The following SLC25A48 variants were observed in gnomAD, a reference collection of about 807,000 sequenced individuals.
The protein encoded by SLC25A48 is solute carrier family 25 member 48, also known as CTC-321K16.1.
Under a neutral mutation model 32.2 loss-of-function variants are expected in SLC25A48, and 29 were observed. That is an observed-to-expected ratio of 0.90 (90% CI 0.67 to 1.23). The LOEUF (loss-of-function observed/expected upper bound fraction) is 1.23, where lower values mean the gene tolerates loss of function less well. Among genes scored for constraint, SLC25A48 ranks in the 50% most tolerant of loss-of-function variants. The probability of loss-of-function intolerance (pLI) is 0.00; values close to 1 mark genes in which losing one functional copy is unlikely to be tolerated. For missense variants in SLC25A48, 399 were observed against 422.7 expected (o/e 0.94, Z 0.49); for synonymous variants, 164 against 172.3 (o/e 0.95, Z 0.38).
intron 3 of SLC25A48, among the ~76,000 whole-genome samples, chr5:135,736,128 G>A (rs944508965): frequency 6.6e-6 from 1 of 152,060 alleles, no homozygotes; most frequent in Non-Finnish European, 1.5e-5. Flanking sequence ...AAGACTCAGC[G>A]ACACTTGGGG....
intron 3 of SLC25A48, among the ~76,000 whole-genome samples, chr5:135,736,336 G>C (rs1755359958): frequency 6.6e-6 from 1 of 152,194 alleles, no homozygotes; most frequent in Admixed American, 6.5e-5. Context: ...TGGCCATTTA[G>C]AGCCATTGTC....
At chr5:135,790,994 G>A (rs200609676) in intron 3 of SLC25A48, among the ~76,000 whole-genome samples, 5 of 22,738 alleles carry the variant, frequency 2.2e-4, no homozygotes, top group Non-Finnish European at 3.1e-4. Flanking sequence ...GTATAATTAC[G>A]GGGGGGGTGT....
chr5:135,842,278 C>T, intron 1 of SLC25A48, 138 bp from the exon 2 acceptor site: 2 of 821,888 alleles, frequency 2.4e-6, no homozygotes, highest in East Asian at 2.4e-5. Flanking sequence ...CAGTGCCTAG[C>T]ACATTGGAGC....
intron 3 of SLC25A48, among the ~76,000 whole-genome samples, chr5:135,733,123 G>A (rs142041101): frequency 0.01 from 1,534 of 152,286 alleles, 34 homozygotes; most frequent in African/African-American, 0.035. Context: ...CTTTTGCAAG[G>A]GCGAGGGCTC....
chr5:135,716,651 T>G (rs2126979066), intron 3 of SLC25A48, among the ~76,000 whole-genome samples: 1 of 152,312 alleles, frequency 6.6e-6, no homozygotes, highest in South Asian at 2.1e-4. Flanking sequence ...AAGAAAGGAC[T>G]CTTGTCCAAC....
intron 3 of SLC25A48, among the ~76,000 whole-genome samples, chr5:135,794,900 C>T (rs1386739385): frequency 6.6e-6 from 1 of 151,718 alleles, no homozygotes; most frequent in East Asian, 1.9e-4. Context: ...TATTGTTTCT[C>T]ATATCCTGTG....
chr5:135,579,485 C>T (rs1436813304), exon 1 of SLC25A48: 1 of 152,438 alleles, frequency 6.6e-6, no homozygotes, highest in Non-Finnish European at 1.5e-5. Context: ...CAGGCCTGAC[C>T]CCCAAGGGCC....
At chr5:135,761,852 T>C (rs561584710) in intron 3 of SLC25A48, among the ~76,000 whole-genome samples, 1 of 152,310 alleles carries the variant, frequency 6.6e-6, no homozygotes, top group South Asian at 2.1e-4. Flanking sequence ...CCACTTGGCC[T>C]CCCACACTTT....
At chr5:135,734,012 G>A (rs182805564) in intron 3 of SLC25A48, among the ~76,000 whole-genome samples, 155 of 152,064 alleles carry the variant, frequency 1.0e-3, no homozygotes, top group African/African-American at 3.5e-3. Context: ...AGGTAAAATG[G>A]GGGAATTGTA....
chr5:135,794,313 G>A (rs1302364560), intron 3 of SLC25A48, among the ~76,000 whole-genome samples: 1 of 151,350 alleles, frequency 6.6e-6, no homozygotes, highest in Non-Finnish European at 1.5e-5. Flanking sequence ...ATATCCAGGG[G>A]GTGAGAGGAT....
rs556076487 is a variant in SLC25A48, at chr5:135,886,218, G to T, written c.*8-1814G>T. On this transcript the variant is annotated intron_variant, in intron 7 of 7. Coordinates refer to ENST00000681962, the MANE Select transcript of SLC25A48 (RefSeq NM_001349336.2). ...ATTGCAGAGCTAGGGCTCCCTGCTG[G>T]ATACTTGTTTTCCAGGCTGCGGGCT... Among the ~76,000 whole-genome samples the T allele has an allele frequency of 4.2e-3, 641 of 152,148 alleles. 4 individuals are homozygous for T. Among genetic ancestry groups the T allele is most frequent in the African/African-American group, 0.015 (618 of 41,522 alleles).
chr5:135,755,900 G>A (rs1196957791), intron 3 of SLC25A48, among the ~76,000 whole-genome samples: 1 of 151,868 alleles, frequency 6.6e-6, no homozygotes, highest in Non-Finnish European at 1.5e-5. Flanking sequence ...AACGCACTAT[G>A]ATAGTAATAA....
chr5:135,799,727 A>C (rs1463615925), intron 3 of SLC25A48, among the ~76,000 whole-genome samples: 2 of 151,790 alleles, frequency 1.3e-5, no homozygotes, highest in Admixed American at 6.6e-5. Context: ...TATCCGCTGC[A>C]GAGAGAGGAT....
At chr5:135,708,801 T>TGA (rs1318589993) in intron 3 of SLC25A48, among the ~76,000 whole-genome samples, 1 of 152,170 alleles carries the variant, frequency 6.6e-6, no homozygotes, top group African/African-American at 2.4e-5. Flanking sequence ...AGAACACATT[T>TGA]GAGAGAGAGC....
At chr5:135,708,326 C>G (rs1407955035) in intron 3 of SLC25A48, among the ~76,000 whole-genome samples, 1 of 152,208 alleles carries the variant, frequency 6.6e-6, no homozygotes, top group Non-Finnish European at 1.5e-5. Context: ...CAAAGCAAAT[C>G]TATGAGCACC....
At chr5:135,602,112 C>G (rs1198673973) in intron 1 of SLC25A48, among the ~76,000 whole-genome samples, 1 of 152,144 alleles carries the variant, frequency 6.6e-6, no homozygotes, top group East Asian at 1.9e-4. Context: ...AGAGCCAGGG[C>G]CCACAGCAAA....
intron 1 of SLC25A48, among the ~76,000 whole-genome samples, chr5:135,624,446 C>A (rs1235826410): frequency 2.0e-5 from 3 of 152,102 alleles, no homozygotes; most frequent in Admixed American, 2.0e-4. Context: ...AAAAGAGAGT[C>A]ATTTTCATGT....
intron 3 of SLC25A48, among the ~76,000 whole-genome samples, chr5:135,702,920 C>T (rs1468331911): frequency 6.6e-6 from 1 of 152,222 alleles, no homozygotes; most frequent in East Asian, 1.9e-4. Context: ...AATGGAGTCA[C>T]ACACAGGACC....
chr5:135,601,430 A>G (rs939440590), intron 1 of SLC25A48, among the ~76,000 whole-genome samples: 7 of 151,978 alleles, frequency 4.6e-5, no homozygotes, highest in African/African-American at 1.7e-4. Flanking sequence ...CTTCCTAGAC[A>G]TCTCTGGGAA....
Sources: allele counts gnomAD v4.1 joint callset (sites outside exome capture counted in the v4.1 genomes callset), GRCh38; gene constraint gnomAD v4.1.1; transcripts MANE v1.5; gene names NCBI Gene and HGNC (gene_info 2026-07-23, HGNC 2026-07-21).